ACTR3C: variants seen among roughly 807,000 people sequenced by gnomAD.
ACTR3C encodes the protein actin related protein 3C.
ACTR3C carries 18 observed loss-of-function variants against 26.3 expected under a neutral mutation model. The observed-to-expected ratio is 0.68, with a 90% CI of 0.47 to 1.01. The LOEUF (loss-of-function observed/expected upper bound fraction) is 1.01. Among genes scored for constraint, ACTR3C ranks in the 50% least tolerant of loss-of-function variants. ACTR3C has a pLI of 0.00. For synonymous variants in ACTR3C, 55 were observed against 94.5 expected (o/e 0.58, Z 2.42); for missense variants, 184 against 250.7 (o/e 0.73, Z 1.80).
the ACTR3C span, among the ~76,000 whole-genome samples, chr7:150,176,274 C>CT: frequency 1.3e-5 from 2 of 150,612 alleles, no homozygotes; most frequent in East Asian, 1.9e-4. Flanking sequence ...TTCTTGAGGC[C>CT]TTTTTTTATT....
At chr7:150,227,688 GT>G in the ACTR3C span, among the ~76,000 whole-genome samples, 322 of 111,332 alleles carry the variant, frequency 2.9e-3, 12 homozygotes, top group African/African-American at 0.011. Context: ...TTGTGTCTGG[GT>G]TTTTTTTTTT....
the ACTR3C span, among the ~76,000 whole-genome samples, chr7:149,926,557 G>C: frequency 6.6e-6 from 1 of 152,176 alleles, no homozygotes; most frequent in African/African-American, 2.4e-5. Flanking sequence ...GAGCTTCCCT[G>C]GTACGGAGCA....
At chr7:150,008,379 T>G in the ACTR3C span, among the ~76,000 whole-genome samples, 1 of 152,260 alleles carries the variant, frequency 6.6e-6, no homozygotes, top group Admixed American at 6.5e-5. Flanking sequence ...TCCACTGTGC[T>G]GCCTGACACT....
At chr7:150,301,252 G>A (rs1795422999) in intron 1 of ACTR3C, among the ~76,000 whole-genome samples, 1 of 152,204 alleles carries the variant, frequency 6.6e-6, no homozygotes, top group Non-Finnish European at 1.5e-5. Flanking sequence ...AGGTGGGGAA[G>A]TATCAGGAGA....
chr7:150,155,719 TGAA>T, the ACTR3C span, among the ~76,000 whole-genome samples: 1 of 138,966 alleles, frequency 7.2e-6, no homozygotes, highest in Non-Finnish European at 1.5e-5. Context: ...AGAGGGTCCC[TGAA>T]GAAGTGACAA....
chr7:150,264,475 C>G (rs928988305), intron 6 of ACTR3C: 2 of 649,748 alleles, frequency 3.1e-6, no homozygotes, highest in Non-Finnish European at 3.8e-6. Flanking sequence ...TCAGAAAGTA[C>G]GCAGCAAATG....
chr7:150,010,553 G>A, the ACTR3C span, among the ~76,000 whole-genome samples: 5 of 152,146 alleles, frequency 3.3e-5, no homozygotes, highest in Middle Eastern at 3.4e-3. Flanking sequence ...AATTAGCCGG[G>A]CGTGGTGATG....
chr7:149,955,486 A>G, the ACTR3C span, among the ~76,000 whole-genome samples: 1 of 152,204 alleles, frequency 6.6e-6, no homozygotes, highest in Non-Finnish European at 1.5e-5. Flanking sequence ...TCAGCAGCTC[A>G]GAAAGCAAGG....
intron 6 of ACTR3C, among the ~76,000 whole-genome samples, chr7:150,254,744 T>C (rs1267213989): frequency 1.3e-5 from 2 of 152,226 alleles, no homozygotes; most frequent in Non-Finnish European, 2.9e-5. Context: ...ATCTGCCATC[T>C]GCTCTCCTAC....
At chr7:150,019,599 A>AATAATAAT in the ACTR3C span, among the ~76,000 whole-genome samples, 29 of 109,808 alleles carry the variant, frequency 2.6e-4, no homozygotes, top group African/African-American at 9.9e-4. Context: ...TCAAAAATAA[A>AATAATAAT]AATAATAATA....
chr7:150,189,417 A>G, the ACTR3C span, among the ~76,000 whole-genome samples: 2 of 152,178 alleles, frequency 1.3e-5, no homozygotes, highest in South Asian at 4.1e-4. Flanking sequence ...TAAGTTACAT[A>G]GATTAAAACT....
chr7:149,899,759 GA>G, the ACTR3C span, among the ~76,000 whole-genome samples: 64 of 139,648 alleles, frequency 4.6e-4, no homozygotes, highest in Admixed American at 2.1e-3. Flanking sequence ...AATTTGGCAA[GA>G]AAAAAAAAAG....
the ACTR3C span, among the ~76,000 whole-genome samples, chr7:149,921,803 G>A: frequency 1.3e-5 from 2 of 152,064 alleles, no homozygotes; most frequent in African/African-American, 4.8e-5. Context: ...CTTGAACCCA[G>A]GAGGCAGAGG....
the ACTR3C span, among the ~76,000 whole-genome samples, chr7:149,913,263 T>G: frequency 6.6e-6 from 1 of 152,136 alleles, no homozygotes; most frequent in Non-Finnish European, 1.5e-5. Flanking sequence ...CAAAACATAA[T>G]TCTTAAATAT....
chr7:149,932,920 G>A, the ACTR3C span, among the ~76,000 whole-genome samples: 1 of 151,386 alleles, frequency 6.6e-6, no homozygotes. Flanking sequence ...CCACACTTAC[G>A]GGTGGTAGCC....
chr7:150,180,596 TCCGCCTCCCGGGTTCACGCCATTCTC>T, the ACTR3C span, among the ~76,000 whole-genome samples: 1 of 144,214 alleles, frequency 6.9e-6, no homozygotes, highest in Non-Finnish European at 1.5e-5. Flanking sequence ...CACTGCAAGC[TCCGCCTCCCGGGTTCACGCCATTCTC>T]CCGCCTCAGC....
chr7:149,991,012 T>C, the ACTR3C span, among the ~76,000 whole-genome samples: 1 of 152,104 alleles, frequency 6.6e-6, no homozygotes, highest in African/African-American at 2.4e-5. Context: ...AATAAAGACA[T>C]ACCCAAGACT....
At chr7:149,987,284 G>A in the ACTR3C span, among the ~76,000 whole-genome samples, 4 of 152,032 alleles carry the variant, frequency 2.6e-5, no homozygotes, top group Admixed American at 6.5e-5. Context: ...AATTAACAGC[G>A]GCCAGGCGCT....
At chr7:150,067,018 G>A in the ACTR3C span, among the ~76,000 whole-genome samples, 1 of 152,146 alleles carries the variant, frequency 6.6e-6, no homozygotes, top group African/African-American at 2.4e-5. Context: ...GCAACTGCTG[G>A]TCTAGCTTAT....
Sources: gnomAD v4.1 joint callset for allele counts (sites outside exome capture counted in the v4.1 genomes callset) on GRCh38, gnomAD v4.1.1 for gene constraint, MANE v1.5 for transcripts, NCBI Gene and HGNC (gene_info 2026-07-23, HGNC 2026-07-21) for gene names.